The following ST6GALNAC3 variants were observed in gnomAD, a reference collection of about 807,000 sequenced individuals.
ST6GALNAC3 encodes ST6 N-acetylgalactosaminide alpha-2,6-sialyltransferase 3.
A neutral mutation model predicts 32.7 loss-of-function variants in ST6GALNAC3; 25 were observed. The ratio of observed to expected loss-of-function variants is 0.76; its 90% CI spans 0.56 to 1.07. The LOEUF (loss-of-function observed/expected upper bound fraction) is 1.07. Among genes scored for constraint, ST6GALNAC3 ranks in the 50% least tolerant of loss-of-function variants. The pLI is 0.00. For missense variants in ST6GALNAC3, 355 were observed against 382.4 expected, an observed-to-expected ratio of 0.93 and a Z score of 0.60; for synonymous variants, 129 against 133.1, an observed-to-expected ratio of 0.97 and a Z score of 0.21.
At chr1:76,339,807 C>T (rs1647807711) in intron 2 of ST6GALNAC3, among the ~76,000 whole-genome samples, 1 of 151,930 alleles carries the variant, frequency 6.6e-6, no homozygotes, top group Non-Finnish European at 1.5e-5. Context: ...CAGAAATCTA[C>T]AGTGATAAAT....
chr1:76,341,613 C>A (rs182904418), intron 2 of ST6GALNAC3, among the ~76,000 whole-genome samples: 2 of 91,642 alleles, frequency 2.2e-5, no homozygotes, highest in African/African-American at 4.7e-5. Flanking sequence ...GCTTTTCTTT[C>A]TTTCTTTCTT....
At chr1:76,135,111 T>C (rs1649858439) in intron 1 of ST6GALNAC3, among the ~76,000 whole-genome samples, 1 of 151,460 alleles carries the variant, frequency 6.6e-6, no homozygotes, top group Admixed American at 6.6e-5. Flanking sequence ...CACTGAACTC[T>C]AGCCTGGGCA....
chr1:76,374,221 T>C (rs979528519), intron 2 of ST6GALNAC3, among the ~76,000 whole-genome samples: 1 of 152,186 alleles, frequency 6.6e-6, no homozygotes, highest in African/African-American at 2.4e-5. Context: ...GTGCAGCAGC[T>C]GTTGAAAAAA....
chr1:76,604,058 G>A (rs144315504), intron 3 of ST6GALNAC3, among the ~76,000 whole-genome samples: 70 of 152,198 alleles, frequency 4.6e-4, no homozygotes, highest in African/African-American at 1.6e-3. Context: ...TACAGAATTG[G>A]CTGGGCCTTG....
chr1:76,449,165 A>G (rs534719215), intron 3 of ST6GALNAC3, among the ~76,000 whole-genome samples: 1 of 152,292 alleles, frequency 6.6e-6, no homozygotes, highest in Non-Finnish European at 1.5e-5. Flanking sequence ...ATGCAAACAC[A>G]CATAGTATGT....
At chr1:76,594,313 G>A (rs868675496) in intron 3 of ST6GALNAC3, among the ~76,000 whole-genome samples, 1 of 151,964 alleles carries the variant, frequency 6.6e-6, no homozygotes, top group Non-Finnish European at 1.5e-5. Flanking sequence ...CTGCAAAATT[G>A]TTCATGAATA....
chr1:76,426,594 A>AAGAGAG (rs919359285), intron 3 of ST6GALNAC3, among the ~76,000 whole-genome samples: 1 of 150,984 alleles, frequency 6.6e-6, no homozygotes, highest in Non-Finnish European at 1.5e-5. Flanking sequence ...GAGAGAGAGA[A>AAGAGAG]AGAGAGAGAG....
At chr1:76,371,058 A>G (rs963263879) in intron 2 of ST6GALNAC3, among the ~76,000 whole-genome samples, 1 of 152,148 alleles carries the variant, frequency 6.6e-6, no homozygotes, top group East Asian at 1.9e-4. Flanking sequence ...ATTCCAGTCC[A>G]TTTTGTTCAT....
intron 2 of ST6GALNAC3, among the ~76,000 whole-genome samples, chr1:76,398,866 A>T (rs1013648277): frequency 6.6e-6 from 1 of 152,042 alleles, no homozygotes; most frequent in South Asian, 2.1e-4. Context: ...GTTGCAGTGC[A>T]TTTTTTTTAA....
At chr1:76,075,331 G>C (rs565842874) in intron 1 of ST6GALNAC3, among the ~76,000 whole-genome samples, 7 of 152,296 alleles carry the variant, frequency 4.6e-5, no homozygotes, top group African/African-American at 1.7e-4. Flanking sequence ...GGGCTCTACT[G>C]TGCATTTGAT....
chr1:76,535,159 C>T (rs1175229810), intron 3 of ST6GALNAC3, among the ~76,000 whole-genome samples: 4 of 152,108 alleles, frequency 2.6e-5, no homozygotes, highest in African/African-American at 7.2e-5. Flanking sequence ...TCCAATCTTT[C>T]GCTTTCAGAA....
intron 3 of ST6GALNAC3, among the ~76,000 whole-genome samples, chr1:76,583,646 C>T (rs764210302): frequency 4.6e-5 from 7 of 152,192 alleles, no homozygotes; most frequent in East Asian, 3.9e-4. Flanking sequence ...GAGTGCCTGC[C>T]GCTGTATAAT....
chr1:76,387,138 A>G (rs1196085924), intron 2 of ST6GALNAC3, among the ~76,000 whole-genome samples: 2 of 152,146 alleles, frequency 1.3e-5, no homozygotes, highest in African/African-American at 4.8e-5. Flanking sequence ...AAATTTTTAT[A>G]TTGGGGATTC....
chr1:76,179,806 C>T (rs1653066637), intron 1 of ST6GALNAC3, among the ~76,000 whole-genome samples: 1 of 152,200 alleles, frequency 6.6e-6, no homozygotes, highest in Non-Finnish European at 1.5e-5. Flanking sequence ...AAGCATGCTG[C>T]TGCCTCTGGG....
intron 1 of ST6GALNAC3, among the ~76,000 whole-genome samples, chr1:76,126,614 A>G (rs1367398804): frequency 6.6e-6 from 1 of 152,170 alleles, no homozygotes; most frequent in Non-Finnish European, 1.5e-5. Flanking sequence ...GAGACGCAGC[A>G]CTCAGCAGAA....
intron 3 of ST6GALNAC3, among the ~76,000 whole-genome samples, chr1:76,487,546 G>A (rs923382210): frequency 5.9e-5 from 9 of 152,140 alleles, no homozygotes; most frequent in Non-Finnish European, 1.0e-4. Context: ...CATTCATCGC[G>A]TAGTTCTCGT....
chr1:76,614,692 C>T (rs1267961212), intron 3 of ST6GALNAC3, among the ~76,000 whole-genome samples: 3 of 121,218 alleles, frequency 2.5e-5, no homozygotes, highest in Admixed American at 1.1e-4. Flanking sequence ...GCGCTCCAGC[C>T]TGGGTGACAG....
chr1:76,405,462 A>T (rs936337323), intron 2 of ST6GALNAC3, among the ~76,000 whole-genome samples: 5 of 152,228 alleles, frequency 3.3e-5, no homozygotes, highest in Admixed American at 1.3e-4. Flanking sequence ...TCACTCAGAA[A>T]GGATAGGGCA....
chr1:76,113,211 C>T (rs1403297653), intron 1 of ST6GALNAC3, among the ~76,000 whole-genome samples: 19 of 152,058 alleles, frequency 1.2e-4, no homozygotes, highest in East Asian at 3.9e-4. Context: ...TGGCGGCGCG[C>T]GCCTGCAATC....
Sources: allele counts gnomAD v4.1 joint callset (sites outside exome capture counted in the v4.1 genomes callset), GRCh38; gene constraint gnomAD v4.1.1; transcripts MANE v1.5; gene names NCBI Gene and HGNC (gene_info 2026-07-23, HGNC 2026-07-21).